The following CEP192 variants were observed in gnomAD, a reference collection of about 807,000 sequenced individuals.
The protein encoded by CEP192 is centrosomal protein of 192 kDa.
In CEP192, 151 loss-of-function variants were observed where a neutral mutation model predicts 271.8. The observed-to-expected ratio is 0.56, with a 90% confidence interval of 0.49 to 0.64. The LOEUF (loss-of-function observed/expected upper bound fraction) is 0.64, where lower values mean the gene tolerates loss of function less well. CEP192 is among the 30% of genes least tolerant of loss of function. The pLI, the probability that CEP192 is intolerant of heterozygous loss-of-function variation, is 0.00. For missense variants in CEP192, 2,910 were observed against 3,020.5 expected, an observed-to-expected ratio of 0.96 and a Z score of 0.86; for synonymous variants, 995 against 1,076.5, an observed-to-expected ratio of 0.92 and a Z score of 1.48.
intron 36 of CEP192, among the ~76,000 whole-genome samples, chr18:13,097,622 C>G (rs990057210): frequency 3.9e-5 from 5 of 127,664 alleles, no homozygotes; most frequent in African/African-American, 1.2e-4. Context: ...GGTTTGTTTT[C>G]TTTTCTTTTT....
intron 13 of CEP192, among the ~76,000 whole-genome samples, chr18:13,039,668 A>C (rs1568319963): frequency 6.6e-6 from 1 of 152,060 alleles, no homozygotes; most frequent in Non-Finnish European, 1.5e-5. Flanking sequence ...CCAAATCATG[A>C]GGGCTCCTGG....
At chr18:13,124,404 C>T in intron 44 of CEP192, 1 of 393,512 alleles carries the variant, frequency 2.5e-6, no homozygotes. Context: ...ACTGGATAGC[C>T]AGGAATACAT....
chr18:13,029,884 T>G lies in CEP192; in HGVS notation c.1272T>G (p.Asp424Glu), dbSNP rs1217609572. Residue 424 changes from aspartate to glutamate, a missense_variant, in exon 10 of 45, where the codon GAT (aspartate) becomes GAG (glutamate). Transcript: ENST00000506447. ...TPTVSIQENV[D>E]VASLKPISDS... ...CGGTGTCCATTCAAGAAAATGTGGA[T>G]GTAGCCTCTTTGAAGCCCATTAGTG... is the stretch of plus-strand genomic sequence containing the variant. 11 of 1,551,602 alleles carry G rather than the reference T, an allele frequency of 7.1e-6. No individual in the cohort carries two copies. The highest frequency in any genetic ancestry group is 9.6e-6 in the Non-Finnish European group (11 of 1,146,976).
intron 37 of CEP192, 58 bp from the exon 38 acceptor site, chr18:13,100,247 G>T: frequency 8.4e-7 from 1 of 1,185,340 alleles, no homozygotes; most frequent in Non-Finnish European, 1.2e-6. Context: ...AAATGGAATT[G>T]TTTCGTTTAA....
At chr18:13,089,114 ATGTT>A (rs2039026326) in intron 32 of CEP192, among the ~76,000 whole-genome samples, 2 of 152,148 alleles carry the variant, frequency 1.3e-5, no homozygotes, top group Admixed American at 6.5e-5. Context: ...TCCCCTTCAA[ATGTT>A]TCCATTTTTA....
At chr18:13,083,429 A>G (rs1357346956) in intron 30 of CEP192, among the ~76,000 whole-genome samples, 1 of 152,174 alleles carries the variant, frequency 6.6e-6, no homozygotes, top group Non-Finnish European at 1.5e-5. Flanking sequence ...TTGTGCATGC[A>G]TCACGTAGTT....
chr18:13,097,728 G>A (rs573263952), intron 36 of CEP192, among the ~76,000 whole-genome samples: 40 of 149,158 alleles, frequency 2.7e-4, no homozygotes, highest in African/African-American at 9.1e-4. Context: ...AATAGTGGAG[G>A]GAAGGTCAGC....
In CEP192 at chr18:13,017,287, C is replaced by A; in HGVS notation, c.740C>A (p.Pro247Gln). 1.3e-6 allele frequency: 2 copies of A among 1,549,182 alleles called. No individual in the cohort carries two copies. Among genetic ancestry groups the A allele is most frequent in the Non-Finnish European group, 1.7e-6 (2 of 1,146,052 alleles). Residue 247 changes from proline (P) to glutamine (Q), a missense_variant, in exon 7 of 45, where the codon CCA (proline) becomes CAA (glutamine). Coordinates refer to ENST00000506447, the MANE Select transcript of CEP192 (RefSeq NM_032142.4). ...ATGATATATGAAGACCTAGAAGGAC[C>A]AGAACCTCCAGAAAAAGGTTTTAAG... is the stretch of plus-strand genomic sequence containing the variant. ...PGMIYEDLEG[P>Q]EPPEKGFKLP...
At chr18:13,033,483 G>A (rs542614267) in intron 11 of CEP192, among the ~76,000 whole-genome samples, 39 of 152,256 alleles carry the variant, frequency 2.6e-4, no homozygotes, top group African/African-American at 8.7e-4. Flanking sequence ...TCTTGGCACC[G>A]CGTCTACCTA....
At position 13,099,621 on chromosome 18, in the gene CEP192, A is replaced by C. The variant is rs772632692; in HGVS notation, c.6663+40A>C. ...GGTTTGGTTTTTTTTTTGAGTGACA[A>C]TTCTGTTTGTAGCTTCAGTTTTATA... On this transcript the variant is annotated intron_variant, in intron 37 of 44. Coordinates refer to ENST00000506447, the MANE Select transcript of CEP192 (RefSeq NM_032142.4). 3.3e-5 allele frequency: 32 copies of C among 978,576 alleles called. 1 individual carries two copies. In the South Asian group the frequency reaches 4.4e-4, roughly 14 times the overall value. The allele number at this position is 978,576 out of a possible 1,614,324, so 60.6% of individuals were successfully genotyped here. A position where few individuals can be genotyped will look rare whatever the true frequency, so the allele number is the denominator to read the frequency against.
intron 1 of CEP192, among the ~76,000 whole-genome samples, chr18:12,993,848 T>C (rs1195089827): frequency 1.3e-5 from 2 of 152,236 alleles, no homozygotes; most frequent in East Asian, 3.8e-4. Flanking sequence ...GCACATTACC[T>C]AATAATAGAC....
At chr18:13,033,598 A>G (rs920036705) in intron 11 of CEP192, among the ~76,000 whole-genome samples, 4 of 152,248 alleles carry the variant, frequency 2.6e-5, no homozygotes, top group African/African-American at 7.2e-5. Flanking sequence ...TAAATGATAC[A>G]TGGTGTATGT....
chr18:13,056,786 T>A, intron 19 of CEP192, 88 bp downstream of exon 19: 1 of 1,071,534 alleles, frequency 9.3e-7, no homozygotes, highest in Non-Finnish European at 1.4e-6. Flanking sequence ...AGTTACTGGT[T>A]AGCATTAATT....
At chr18:13,019,927 C>G (rs1321185149) in intron 9 of CEP192, among the ~76,000 whole-genome samples, 4 of 151,844 alleles carry the variant, frequency 2.6e-5, no homozygotes, top group African/African-American at 4.8e-5. Flanking sequence ...ATTCTCCTGT[C>G]TCAGCCTCCC....
chr18:12,997,983 C>T (rs1239815314), intron 1 of CEP192, among the ~76,000 whole-genome samples: 3 of 152,148 alleles, frequency 2.0e-5, no homozygotes, highest in African/African-American at 7.2e-5. Context: ...CCTCAGCCTC[C>T]CAAAATGCTG....
intron 30 of CEP192, among the ~76,000 whole-genome samples, chr18:13,075,316 C>G (rs983857051): frequency 6.6e-6 from 1 of 151,692 alleles, no homozygotes; most frequent in African/African-American, 2.4e-5. Context: ...GCCTGTAATC[C>G]CAGCAGTTTG....
intron 15 of CEP192, among the ~76,000 whole-genome samples, chr18:13,044,382 T>C (rs1325762857): frequency 6.6e-6 from 1 of 152,146 alleles, no homozygotes; most frequent in Non-Finnish European, 1.5e-5. Context: ...GGAACTCTTT[T>C]TGGTATTTCA....
At chr18:13,060,102 G>A (rs543090304) in intron 21 of CEP192, among the ~76,000 whole-genome samples, 196 of 152,322 alleles carry the variant, frequency 1.3e-3, no homozygotes, top group Non-Finnish European at 2.4e-3. Context: ...CCTGAGAAAT[G>A]TGTCCTTAGG....
chr18:13,113,506 C>T (rs2040298649), intron 40 of CEP192, 80 bp from the exon 41 acceptor site: 4 of 1,393,162 alleles, frequency 2.9e-6, no homozygotes, highest in East Asian at 2.4e-5. Flanking sequence ...TTTTTCATAC[C>T]AAATCTTTGA....
Sources: gnomAD v4.1 joint callset for allele counts (sites outside exome capture counted in the v4.1 genomes callset) on GRCh38, gnomAD v4.1.1 for gene constraint, MANE v1.5 for transcripts, NCBI Gene and HGNC (gene_info 2026-07-23, HGNC 2026-07-21) for gene names.